The following SLC37A1 variants were observed in gnomAD, a reference collection of about 807,000 sequenced individuals.
The protein encoded by SLC37A1 is glucose-6-phosphate exchanger SLC37A1.
SLC37A1 carries 49 observed loss-of-function variants against 75.3 expected under a neutral mutation model. The ratio of observed to expected loss-of-function variants is 0.65; its 90% CI spans 0.52 to 0.83. The LOEUF (loss-of-function observed/expected upper bound fraction) is 0.83. Ranked by LOEUF, SLC37A1 falls within the 40% of genes least tolerant of loss-of-function variation. The probability of loss-of-function intolerance (pLI) is 0.00; values close to 1 mark genes in which losing one functional copy is unlikely to be tolerated. For synonymous variants in SLC37A1, 268 were observed against 292.1 expected (o/e 0.92, Z 0.84); for missense variants, 566 against 695.0 (o/e 0.81, Z 2.09).
At position 42,574,721 on chromosome 21, in the gene SLC37A1, TGTGA is replaced by T. The variant is rs2056268101; in HGVS notation, c.1424-91_1424-88del. On this transcript the variant is annotated intron_variant, in intron 17 of 19. Transcript: ENST00000352133. ...GTAGTTCCATATGTGTTCCTTTCAT[TGTGA>T]GTGAGGTGTTGAGCCCCATTCTCTG... 4.4e-6 allele frequency: 5 copies of T among 1,147,968 alleles called. No individual in the cohort carries two copies. In the African/African-American group the frequency reaches 4.6e-5, roughly 11 times the overall value. 71.1% of individuals were successfully genotyped at this position (1,147,968 alleles called of 1,614,324 possible).
At chr21:42,509,060 C>T (rs62215901), upstream of SLC37A1, among the ~76,000 whole-genome samples, 10,581 of 152,134 alleles carry the variant, frequency 0.07, 447 homozygotes, top group Non-Finnish European at 0.093. This position sits in a 1 kb window ranked among gnomAD's most constrained non-coding sequence, Gnocchi z 4.2. Flanking sequence ...AATATCATGC[C>T]AATAGTTTTA....
intron 9 of SLC37A1, among the ~76,000 whole-genome samples, chr21:42,551,316 A>C (rs909923880): frequency 6.6e-6 from 1 of 152,258 alleles, no homozygotes; most frequent in Non-Finnish European, 1.5e-5. Context: ...CAATAGCATC[A>C]AAAAACATTA....
At position 42,575,323 on chromosome 21, in the gene SLC37A1, C is replaced by T. The variant is rs1001805588; in HGVS notation, c.1521+408C>T. The T allele has an allele frequency of 7.1e-6, 7 of 985,376 alleles. No individual in the cohort carries two copies. The East Asian group carries it at 3.4e-4, about 48-fold the overall frequency. 61.0% of individuals were successfully genotyped at this position (985,376 alleles called of 1,614,324 possible). ...AAGCAGATGATACACAGAGCCTGGC[C>T]TCCCAGTGGTCATCAGTGTCCTGGT... On this transcript the variant is annotated intron_variant, in intron 18 of 19. Coordinates refer to ENST00000352133, the MANE Select transcript of SLC37A1 (RefSeq NM_001320537.2).
At chr21:42,543,193 T>C (rs2055324862) in intron 7 of SLC37A1, among the ~76,000 whole-genome samples, 1 of 152,232 alleles carries the variant, frequency 6.6e-6, no homozygotes, top group East Asian at 1.9e-4. Context: ...TCTTTCTTCT[T>C]CTTGAGTACA....
In SLC37A1 at chr21:42,552,664, C is replaced by G. The variant is rs996210770; in HGVS notation, c.769-1398C>G. ...GGAAGGAGGGAAAGGACATTAGGGA[C>G]AGGCCCCTTCCCTTTCAGGAGACTT... On this transcript the variant is annotated intron_variant, in intron 9 of 19. Transcript: ENST00000352133. The surrounding 1 kb of genome is among the most constrained non-coding windows in gnomAD (Gnocchi z 4.2). Among the ~76,000 whole-genome samples, 1 of 152,240 alleles carries G rather than the reference C, an allele frequency of 6.6e-6. No individual in the cohort carries two copies. Among genetic ancestry groups the G allele is most frequent in the African/African-American group, 2.4e-5 (1 of 41,458 alleles).
chr21:42,553,981 G>A (rs757482043), intron 9 of SLC37A1, 81 bp from the exon 10 acceptor site: 52 of 1,171,792 alleles, frequency 4.4e-5, no homozygotes, highest in Non-Finnish European at 6.0e-5. Flanking sequence ...ACGATAGTAA[G>A]TATCCTTGCT....
chr21:42,538,667 T>C (rs1304319247), intron 5 of SLC37A1, among the ~76,000 whole-genome samples: 1 of 152,256 alleles, frequency 6.6e-6, no homozygotes, highest in East Asian at 1.9e-4. Context: ...CATAGTGACA[T>C]TTCCCATAAA....
At chr21:42,517,583 G>A (rs1040884178) in intron 1 of SLC37A1, among the ~76,000 whole-genome samples, 1 of 152,216 alleles carries the variant, frequency 6.6e-6, no homozygotes, top group African/African-American at 2.4e-5. Flanking sequence ...AATGTCATGA[G>A]TTTGACATTG....
chr21:42,547,239 AG>A lies in SLC37A1; in HGVS notation c.768+102del. On this transcript the variant is annotated intron_variant, in intron 9 of 19. Coordinates refer to ENST00000352133, the MANE Select transcript of SLC37A1 (RefSeq NM_001320537.2). The surrounding 1 kb of genome is among the most constrained non-coding windows in gnomAD (Gnocchi z 6.1). ...TGTGCGGTGTCAGACAGAAACACAC[AG>A]GGTAGACAGAAGTCCCACCCTCAAA... The A allele has an allele frequency of 1.5e-6, 2 of 1,324,036 alleles. No homozygotes were observed. Among genetic ancestry groups the A allele is most frequent in the Non-Finnish European group, 2.2e-6 (2 of 922,026 alleles). The allele number at this position is 1,324,036 out of a possible 1,614,324, so 82.0% of individuals were successfully genotyped here.
At chr21:42,542,805 ATGGGAGTT>A (rs1229981357) in intron 7 of SLC37A1, among the ~76,000 whole-genome samples, 4 of 152,258 alleles carry the variant, frequency 2.6e-5, no homozygotes, top group African/African-American at 9.6e-5. Flanking sequence ...ACATGTTAAC[ATGGGAGTT>A]TGGGAAGTCC....
At chr21:42,508,369 T>C (rs1222428225) in intron 2 of SLC37A1, among the ~76,000 whole-genome samples, 1 of 152,142 alleles carries the variant, frequency 6.6e-6, no homozygotes, top group Admixed American at 6.5e-5. Context: ...CCTCAGGTGA[T>C]CCACCTGCCT....
At chr21:42,538,155 T>G (rs1476190053) in intron 5 of SLC37A1, among the ~76,000 whole-genome samples, 1 of 152,208 alleles carries the variant, frequency 6.6e-6, no homozygotes, top group Non-Finnish European at 1.5e-5. Context: ...GGAGCCCATC[T>G]GGTTGTGCCA....
intron 15 of SLC37A1, 64 bp from the exon 16 acceptor site, chr21:42,566,921 C>T (rs2147008158): frequency 6.5e-7 from 1 of 1,539,652 alleles, no homozygotes; most frequent in Non-Finnish European, 8.8e-7. Flanking sequence ...CCTCAGGCTG[C>T]TCCTATGCAT....
At position 42,554,097 on chromosome 21, in the gene SLC37A1, GAGACTCC is replaced by G; in HGVS notation, c.808_814del (p.Leu270SerfsTer4). The G allele has an allele frequency of 6.2e-7, 1 of 1,613,500 alleles. No individual in the cohort carries two copies. Among genetic ancestry groups the G allele is most frequent in the Non-Finnish European group, 8.5e-7 (1 of 1,179,770 alleles). On this transcript the variant is annotated frameshift_variant, in exon 10 of 20. Transcript: ENST00000352133. LOFTEE classifies it high-confidence loss of function. ...GCTATGAGAATGGTACAAACAGATTGAGACTCCAGAAGCAAATCTTGAAGAGCGAAAA... is the reference window on the plus strand; with the variant it reads ...GCTATGAGAATGGTACAAACAGATTGAGAAGCAAATCTTGAAGAGCGAAAA...
At chr21:42,508,887 C>G (rs1165010832), upstream of SLC37A1, among the ~76,000 whole-genome samples, 2 of 152,140 alleles carry the variant, frequency 1.3e-5, no homozygotes, top group Non-Finnish European at 1.5e-5. Flanking sequence ...AGAGAACCAC[C>G]CTTATAAATG....
chr21:42,568,679 G>A (rs1445183698), intron 17 of SLC37A1, among the ~76,000 whole-genome samples: 1 of 152,352 alleles, frequency 6.6e-6, no homozygotes, highest in Non-Finnish European at 1.5e-5. Context: ...ACCCGAGGCA[G>A]TGGTTGGCAA....
chr21:42,518,921 C>A (rs1487530404), intron 2 of SLC37A1, among the ~76,000 whole-genome samples: 1 of 152,230 alleles, frequency 6.6e-6, no homozygotes, highest in African/African-American at 2.4e-5. Flanking sequence ...ATGAAATGTT[C>A]TGGTGCAGCC....
chr21:42,504,579 C>T (rs2054367358), intron 2 of SLC37A1, among the ~76,000 whole-genome samples: 1 of 152,076 alleles, frequency 6.6e-6, no homozygotes, highest in Admixed American at 6.5e-5. Flanking sequence ...AAAAAGGACC[C>T]AGAAAGCAAG....
rs555025054 is a variant in SLC37A1, at chr21:42,539,567, G to A, written c.406G>A (p.Ala136Thr). 11 of 1,613,978 alleles carry A rather than the reference G, an allele frequency of 6.8e-6. No individual in the cohort carries two copies. Among genetic ancestry groups the A allele is most frequent in the African/African-American group, 1.3e-5 (1 of 75,050 alleles). ...IRYYLTFGML[A>T]SGAFTALFGL... ...GTATTACCTAACTTTCGGGATGCTC[G>A]CCAGCGGAGCCTTCACCGCCCTGTT... is the stretch of plus-strand genomic sequence containing the variant. The change falls in exon 6 of 20, where the codon GCC becomes ACC. Residue 136 changes from alanine to threonine, a missense_variant. Transcript: ENST00000352133.
Sources: allele counts gnomAD v4.1 joint callset (sites outside exome capture counted in the v4.1 genomes callset), GRCh38; gene constraint gnomAD v4.1.1; non-coding constraint Gnocchi (gnomAD v3.1); transcripts MANE v1.5; gene names NCBI Gene and HGNC (gene_info 2026-07-23, HGNC 2026-07-21).